HCN1: variants seen among roughly 807,000 people sequenced by gnomAD.
HCN1 encodes hyperpolarization activated cyclic nucleotide gated potassium channel 1, also known as potassium/sodium hyperpolarization-activated cyclic nucleotide-gated channel 1.
Under a neutral mutation model 78.9 loss-of-function variants are expected in HCN1, and 13 were observed. The observed-to-expected ratio is 0.16, with a 90% confidence interval of 0.11 to 0.26. HCN1 has a LOEUF of 0.26. HCN1 is among the 10% of genes least tolerant of loss of function. The probability of loss-of-function intolerance (pLI) is 1.00; values close to 1 mark genes in which losing one functional copy is unlikely to be tolerated. For missense variants in HCN1, 810 were observed against 1,154.3 expected (o/e 0.70, Z 4.32); for synonymous variants, 552 against 455.5 (o/e 1.21, Z -2.70).
intron 3 of HCN1, 141 bp downstream of exon 3, chr5:45,461,705 C>T (rs1741165000): frequency 2.5e-6 from 2 of 788,394 alleles, no homozygotes; most frequent in South Asian, 1.6e-5. Flanking sequence ...AACATAACAT[C>T]TGATTTTATA....
chr5:45,266,843 G>C (rs1744868831), intron 7 of HCN1, among the ~76,000 whole-genome samples: 1 of 151,844 alleles, frequency 6.6e-6, no homozygotes, highest in African/African-American at 2.4e-5. Flanking sequence ...TGAGTGGCTG[G>C]GATTACAGGT....
chr5:45,286,410 C>T (rs181269530), intron 6 of HCN1, among the ~76,000 whole-genome samples: 110 of 151,984 alleles, frequency 7.2e-4, no homozygotes, highest in Non-Finnish European at 1.2e-3. Flanking sequence ...ATCCTGTAAA[C>T]TTCAAGAAAA....
chr5:45,455,828 T>C (rs1489557686), intron 3 of HCN1, among the ~76,000 whole-genome samples: 1 of 149,532 alleles, frequency 6.7e-6, no homozygotes, highest in African/African-American at 2.5e-5. Flanking sequence ...TACCTATAAG[T>C]GAAATATACT....
rs794726951 is a variant in HCN1 at position 45,695,758 on chromosome 5, G to T, written c.336C>A (p.Arg112=). The change falls in exon 1 of 8, where the codon CGC becomes CGA. Residue 112 remains arginine (R), a synonymous_variant. Coordinates refer to ENST00000303230, the MANE Select transcript of HCN1 (RefSeq NM_021072.4). ...CCACCGCCTTCTGGCTCCCAAACATGCGGAGGGAGAATTTGTTGACCCCGG... is the reference window on the plus strand; with the variant it reads ...CCACCGCCTTCTGGCTCCCAAACATTCGGAGGGAGAATTTGTTGACCCCGG... The part of the protein sequence containing the change: ...LQPGVNKFSL[R]MFGSQKAVEK... The T allele has an allele frequency of 1.2e-5, 19 of 1,612,334 alleles. 1 individual carries two copies. The Middle Eastern group carries it at 2.0e-3, about 168-fold the overall frequency.
At chr5:45,546,510 C>T (rs1471970850) in intron 2 of HCN1, among the ~76,000 whole-genome samples, 6 of 151,888 alleles carry the variant, frequency 4.0e-5, no homozygotes, top group Admixed American at 2.6e-4. Context: ...ACTTATCTGT[C>T]TTTCTTTGCT....
At chr5:45,273,130 C>A (rs529004584) in intron 6 of HCN1, among the ~76,000 whole-genome samples, 1 of 151,808 alleles carries the variant, frequency 6.6e-6, no homozygotes, top group South Asian at 2.1e-4. Flanking sequence ...GGGGACTTAG[C>A]GTATTAATTT....
chr5:45,686,349 C>A (rs1739809279), intron 1 of HCN1, among the ~76,000 whole-genome samples: 1 of 151,728 alleles, frequency 6.6e-6, no homozygotes, highest in African/African-American at 2.4e-5. Flanking sequence ...ATAATTGTTT[C>A]TTTTAGTGTT....
intron 2 of HCN1, among the ~76,000 whole-genome samples, chr5:45,517,534 A>AAAC (rs1554030350): frequency 6.6e-6 from 1 of 150,554 alleles, no homozygotes; most frequent in African/African-American, 2.4e-5. Flanking sequence ...AAAAAAAAAA[A>AAAC]AAAAAAAAAA....
At chr5:45,523,965 G>A (rs1347776217) in intron 2 of HCN1, among the ~76,000 whole-genome samples, 2 of 152,082 alleles carry the variant, frequency 1.3e-5, no homozygotes, top group South Asian at 4.1e-4. Flanking sequence ...TATTGCCTAG[G>A]TTTTCTTCTA....
chr5:45,429,295 T>G (rs1247097452), intron 3 of HCN1, among the ~76,000 whole-genome samples: 1 of 152,246 alleles, frequency 6.6e-6, no homozygotes, highest in Non-Finnish European at 1.5e-5. Flanking sequence ...CCCAGGAATG[T>G]GAAATTTGGG....
chr5:45,558,570 T>C (rs2111871016), intron 2 of HCN1: 1 of 152,242 alleles, frequency 6.6e-6, no homozygotes, highest in African/African-American at 2.4e-5. Context: ...GAAATCAATG[T>C]CTGGCTTTAA....
At chr5:45,298,479 T>A (rs1745542865) in intron 6 of HCN1, among the ~76,000 whole-genome samples, 1 of 151,528 alleles carries the variant, frequency 6.6e-6, no homozygotes, top group Admixed American at 6.6e-5. Context: ...TAAGAAAAAA[T>A]TTACCCACAA....
chr5:45,410,663 T>C (rs1740005135), intron 3 of HCN1, among the ~76,000 whole-genome samples: 1 of 152,108 alleles, frequency 6.6e-6, no homozygotes, highest in African/African-American at 2.4e-5. Flanking sequence ...AAGCTTCAAT[T>C]ACAAGTAATG....
intron 1 of HCN1, among the ~76,000 whole-genome samples, chr5:45,659,586 A>G (rs1200208887): frequency 6.1e-5 from 9 of 146,950 alleles, no homozygotes; most frequent in Non-Finnish European, 1.3e-4. Context: ...AAACTAGAAT[A>G]ACCAATACAG....
chr5:45,373,498 A>C (rs1396289733), intron 4 of HCN1, among the ~76,000 whole-genome samples: 1 of 140,568 alleles, frequency 7.1e-6, no homozygotes, highest in African/African-American at 2.6e-5. Context: ...CAATATATAC[A>C]TTATATACAT....
intron 6 of HCN1, among the ~76,000 whole-genome samples, chr5:45,273,823 T>A (rs1745004045): frequency 6.6e-6 from 1 of 152,152 alleles, no homozygotes; most frequent in South Asian, 2.1e-4. Context: ...TTTGTAGACT[T>A]TCTGTATTTA....
chr5:45,583,426 A>G (rs1272113491), intron 2 of HCN1, among the ~76,000 whole-genome samples: 1 of 151,658 alleles, frequency 6.6e-6, no homozygotes, highest in African/African-American at 2.4e-5. Flanking sequence ...TTTCTTCTTT[A>G]TTAGTCTTGC....
At chr5:45,270,281 T>A (rs954042314) in intron 6 of HCN1, among the ~76,000 whole-genome samples, 2 of 152,240 alleles carry the variant, frequency 1.3e-5, no homozygotes, top group Non-Finnish European at 2.9e-5. Flanking sequence ...ACTTACTTTC[T>A]CTGGCATTTT....
At chr5:45,561,179 CAAAGCTTTTAAGCT>C (rs1306608890) in intron 2 of HCN1, among the ~76,000 whole-genome samples, 3 of 151,872 alleles carry the variant, frequency 2.0e-5, no homozygotes, top group Non-Finnish European at 4.4e-5. Flanking sequence ...CAAGATAGTC[CAAAGCTTTTAAGCT>C]ATGGTAATTT....
Sources: allele counts gnomAD v4.1 joint callset (sites outside exome capture counted in the v4.1 genomes callset), GRCh38; gene constraint gnomAD v4.1.1; transcripts MANE v1.5; gene names NCBI Gene and HGNC (gene_info 2026-07-23, HGNC 2026-07-21).